MEI1: variants seen among roughly 807,000 people sequenced by gnomAD.
MEI1 encodes the protein meiotic double-stranded break formation protein 1.
A neutral mutation model predicts 146.2 loss-of-function variants in MEI1; 103 were observed. The observed-to-expected ratio is 0.70, with a 90% CI of 0.60 to 0.83. The LOEUF (loss-of-function observed/expected upper bound fraction) is 0.83. Ranked by LOEUF, MEI1 falls within the 40% of genes least tolerant of loss-of-function variation. The pLI is 0.00. For synonymous variants in MEI1, 652 were observed against 628.2 expected, an observed-to-expected ratio of 1.04 and a Z score of -0.57; for missense variants, 1,529 against 1,533.0, an observed-to-expected ratio of 1.00 and a Z score of 0.04.
chr22:41,757,773 T>C (rs2074193793), intron 17 of MEI1, among the ~76,000 whole-genome samples: 1 of 152,184 alleles, frequency 6.6e-6, no homozygotes, highest in South Asian at 2.1e-4. Context: ...CAGCTGCCAG[T>C]TCCTGGAGGT....
intron 26 of MEI1, among the ~76,000 whole-genome samples, 154 bp downstream of exon 26, chr22:41,784,937 A>ATTTG (rs1290316389): frequency 2.0e-5 from 3 of 151,170 alleles, no homozygotes; most frequent in Non-Finnish European, 4.4e-5. Context: ...TTATTTATTT[A>ATTTG]TTTATTTATT....
At chr22:41,748,243 T>C in intron 15 of MEI1, 25 bp downstream of exon 15, 1 of 1,518,562 alleles carries the variant, frequency 6.6e-7, no homozygotes, top group Non-Finnish European at 9.1e-7. Context: ...AATGTGGAGG[T>C]TGGGAGGGAG....
In MEI1 at chr22:41,795,367, A is replaced by G; in HGVS notation, c.3535-44A>G. ...ACAGCAGTTGTCTATGATGAAGGAGATGCCAAATCACTGGGTGTTTGGGGG... is the reference window on the plus strand; with the variant it reads ...ACAGCAGTTGTCTATGATGAAGGAGGTGCCAAATCACTGGGTGTTTGGGGG... On this transcript the variant is annotated intron_variant, in intron 28 of 30. Transcript: ENST00000401548. This position sits in a 1 kb window ranked among gnomAD's most constrained non-coding sequence, Gnocchi z 4.2. The G allele has an allele frequency of 6.2e-7, 1 of 1,608,522 alleles. No homozygotes were observed. The highest frequency in any genetic ancestry group is 8.5e-7 in the Non-Finnish European group (1 of 1,176,294).
chr22:41,778,630 T>C, intron 21 of MEI1, 78 bp from the exon 22 acceptor site: 1 of 1,138,914 alleles, frequency 8.8e-7, no homozygotes, highest in Non-Finnish European at 1.3e-6. Context: ...TTAAGGGCCA[T>C]TGAAGCAGGG....
chr22:41,735,992 T>C (rs1436493384), intron 11 of MEI1, among the ~76,000 whole-genome samples: 1 of 152,228 alleles, frequency 6.6e-6, no homozygotes, highest in East Asian at 1.9e-4. Context: ...TACCTTCTCA[T>C]GGTTCTAGGG....
intron 30 of MEI1, among the ~76,000 whole-genome samples, chr22:41,796,154 G>A (rs1685897841): frequency 6.6e-6 from 1 of 152,036 alleles, no homozygotes; most frequent in South Asian, 2.1e-4. Flanking sequence ...CCTACAGAAA[G>A]CAGGCACATT....
intron 3 of MEI1, among the ~76,000 whole-genome samples, chr22:41,712,362 G>T (rs1414495423): frequency 6.6e-6 from 1 of 151,166 alleles, no homozygotes; most frequent in Admixed American, 6.6e-5. Context: ...GGTCTCCCGA[G>T]TAGCTGGGAC....
intron 26 of MEI1, among the ~76,000 whole-genome samples, chr22:41,788,613 G>A (rs560118294): frequency 6.6e-6 from 1 of 151,510 alleles, no homozygotes; most frequent in Non-Finnish European, 1.5e-5. Flanking sequence ...GCTAATTTTT[G>A]TATTTTTAGT....
At chr22:41,754,591 G>A (rs1023099915) in intron 17 of MEI1, among the ~76,000 whole-genome samples, 3 of 151,998 alleles carry the variant, frequency 2.0e-5, no homozygotes, top group Admixed American at 1.3e-4. Flanking sequence ...CTGCCACCAC[G>A]CCTGGCTAAT....
intron 3 of MEI1, among the ~76,000 whole-genome samples, chr22:41,710,657 T>G (rs530850702): frequency 6.6e-6 from 1 of 152,312 alleles, no homozygotes; most frequent in South Asian, 2.1e-4. Context: ...GTGATCCCAT[T>G]GCCTCACTTC....
intron 17 of MEI1, 104 bp from the exon 18 acceptor site, chr22:41,758,261 C>T (rs1375579266): frequency 9.1e-7 from 1 of 1,101,548 alleles, no homozygotes; most frequent in Non-Finnish European, 1.3e-6. Context: ...TGCATTTACC[C>T]TTGCTGCCCT....
At chr22:41,705,444 A>G in intron 2 of MEI1, 60 bp from the exon 3 acceptor site, 3 of 1,441,902 alleles carry the variant, frequency 2.1e-6, no homozygotes, top group Non-Finnish European at 2.9e-6. Context: ...TTGCTGGGGT[A>G]CAGATGTGTG....
intron 15 of MEI1, among the ~76,000 whole-genome samples, chr22:41,750,517 T>C (rs1400936322): frequency 1.3e-5 from 2 of 152,132 alleles, no homozygotes; most frequent in African/African-American, 4.8e-5. Context: ...GATGAGGCAG[T>C]AGAGACAGGA....
At chr22:41,733,783 A>G (rs1419259321) in intron 11 of MEI1, among the ~76,000 whole-genome samples, 2 of 152,190 alleles carry the variant, frequency 1.3e-5, no homozygotes, top group African/African-American at 4.8e-5. Flanking sequence ...AACTATTTAT[A>G]TAGCATTTGC....
At chr22:41,786,849 G>T (rs1037748320) in intron 26 of MEI1, among the ~76,000 whole-genome samples, 8 of 152,228 alleles carry the variant, frequency 5.3e-5, no homozygotes, top group African/African-American at 1.9e-4. Context: ...TGTGTTTTAT[G>T]GCTTAGGAGA....
chr22:41,732,335 T>C lies in MEI1; in HGVS notation c.1187T>C (p.Ile396Thr). The C allele has an allele frequency of 1.2e-6, 2 of 1,613,130 alleles. No homozygotes were observed. The highest frequency in any genetic ancestry group is 2.2e-5 in the South Asian group (2 of 90,898). ...HKQGLLLFAE[I>T]LTRQPEEIKL... Reference sequence around the variant, plus strand: ...CAGGGCCTGCTGCTTTTCGCTGAAATCCTGACCCGGTGAGCAAAGTGGTGG... The same window carrying C: ...CAGGGCCTGCTGCTTTTCGCTGAAACCCTGACCCGGTGAGCAAAGTGGTGG... Residue 396 changes from isoleucine to threonine, a missense_variant, in exon 10 of 31, where the codon ATC becomes ACC. Ile to Thr is a moderately conservative substitution (Grantham distance 89). This residue lies in a region of MEI1 where 1,212 missense variants were observed against 1,178.9 expected (regional missense o/e 1.03). Coordinates refer to ENST00000401548, the MANE Select transcript of MEI1 (RefSeq NM_152513.4).
chr22:41,794,204 A>C (rs753056673), intron 27 of MEI1, among the ~76,000 whole-genome samples, 167 bp from the exon 28 acceptor site: 1 of 152,208 alleles, frequency 6.6e-6, no homozygotes, highest in Admixed American at 6.5e-5. Flanking sequence ...GCCAGTCAAC[A>C]TAAGTGGATT....
At chr22:41,705,731 G>A (rs554759795) in intron 3 of MEI1, among the ~76,000 whole-genome samples, 177 bp downstream of exon 3, 43 of 142,038 alleles carry the variant, frequency 3.0e-4, no homozygotes, top group African/African-American at 1.1e-3. Flanking sequence ...TTTTTGAGAC[G>A]GAATCTTGCT....
intron 17 of MEI1, among the ~76,000 whole-genome samples, chr22:41,757,821 A>C (rs2147915014): frequency 6.6e-6 from 1 of 152,206 alleles, no homozygotes; most frequent in Middle Eastern, 3.4e-3. Context: ...AGTAGTAGCC[A>C]CTCAATGAAC....
Sources: allele counts gnomAD v4.1 joint callset (sites outside exome capture counted in the v4.1 genomes callset), GRCh38; gene constraint gnomAD v4.1.1; regional missense constraint gnomAD v4.1.1; non-coding constraint Gnocchi (gnomAD v3.1); transcripts MANE v1.5; gene names NCBI Gene and HGNC (gene_info 2026-07-23, HGNC 2026-07-21).